Variants in AOAH observed in about 807,000 individuals in gnomAD.
AOAH encodes acyloxyacyl hydrolase (neutrophil).
Under a neutral mutation model 92.2 loss-of-function variants are expected in AOAH, and 64 were observed. The observed-to-expected ratio is 0.69, with a 90% CI of 0.57 to 0.86. The LOEUF is 0.86. Among genes scored for constraint, AOAH ranks in the 40% least tolerant of loss-of-function variants. AOAH has a pLI of 0.00. For synonymous variants in AOAH, 263 were observed against 254.5 expected (o/e 1.03, Z -0.32); for missense variants, 656 against 694.6 (o/e 0.94, Z 0.62).
chr7:36,651,222 T>C (rs1399527186), intron 4 of AOAH, among the ~76,000 whole-genome samples: 1 of 152,250 alleles, frequency 6.6e-6, no homozygotes, highest in Non-Finnish European at 1.5e-5. Context: ...TCCATTTACA[T>C]TGCTATCGCA....
chr7:36,634,413 G>C (rs547609888), intron 5 of AOAH, among the ~76,000 whole-genome samples: 2 of 152,062 alleles, frequency 1.3e-5, no homozygotes, highest in Admixed American at 6.5e-5. Context: ...TCTAATTACC[G>C]GTGCATGCAG....
chr7:36,687,244 G>A (rs751428172), intron 1 of AOAH, among the ~76,000 whole-genome samples: 3 of 152,120 alleles, frequency 2.0e-5, no homozygotes, highest in Non-Finnish European at 4.4e-5. Context: ...CAGGTAATAT[G>A]TTTCCCATAG....
At chr7:36,672,939 A>G (rs1796017278) in intron 3 of AOAH, among the ~76,000 whole-genome samples, 1 of 152,170 alleles carries the variant, frequency 6.6e-6, no homozygotes, top group Non-Finnish European at 1.5e-5. Context: ...TATACATAAT[A>G]AAACTATAGA....
chr7:36,580,107 C>A lies in AOAH; in HGVS notation c.939-3451G>T, dbSNP rs138022854. ...GTCTGATTTTACTCATAGTGTTAGA[C>A]CTTTGATAAACCCTTTCAACTTGGA... On this transcript the variant is annotated intron_variant, in intron 12 of 20. Coordinates refer to ENST00000617537, the MANE Select transcript of AOAH (RefSeq NM_001637.4). Among the ~76,000 whole-genome samples the A allele has an allele frequency of 4.3e-4, 65 of 152,218 alleles. No individual in the cohort carries two copies. In the East Asian group the frequency reaches 5.0e-3, roughly 12 times the overall value.
chr7:36,633,724 C>A (rs769768047), intron 5 of AOAH, among the ~76,000 whole-genome samples: 1 of 152,144 alleles, frequency 6.6e-6, no homozygotes, highest in Non-Finnish European at 1.5e-5. Context: ...AGAGGAATCA[C>A]ATTTGCGTTT....
intron 20 of AOAH, among the ~76,000 whole-genome samples, chr7:36,517,597 C>CTTTTTTT (rs70977159): frequency 2.2e-5 from 2 of 89,590 alleles, no homozygotes; most frequent in Non-Finnish European, 4.0e-5. Context: ...GACTTTATAT[C>CTTTTTTT]TTTTTTTTTT....
Position 36,646,265 on chromosome 7 carries a change from T to C in AOAH, c.391-8355A>G, listed in dbSNP as rs555621335. Reference sequence around the variant, plus strand: ...GAGAAATCCAAGACCCGGTGCTGAGTGAATTTTTCTAGGCTTCACAACTAA... The same window carrying C: ...GAGAAATCCAAGACCCGGTGCTGAGCGAATTTTTCTAGGCTTCACAACTAA... On this transcript the variant is annotated intron_variant, in intron 4 of 20. Transcript: ENST00000617537. 1.1e-3 allele frequency among the ~76,000 whole-genome samples: 168 copies of C among 152,298 alleles called. 1 individual carries two copies. Among genetic ancestry groups the C allele is most frequent in the Non-Finnish European group, 1.4e-3 (97 of 68,026 alleles).
rs538711927 is a variant in AOAH, at chr7:36,683,850, C to T, written c.223+2849G>A. Among the ~76,000 whole-genome samples, 27 of 152,130 alleles carry T rather than the reference C, an allele frequency of 1.8e-4. No individual in the cohort carries two copies. In the South Asian group the frequency reaches 2.5e-3, roughly 14 times the overall value. Reference sequence around the variant, plus strand: ...GAAAGAATGGGCAACTCAAATTAGCCGGGTGCGGTGGTGGGCTCCAGTAAT... The same window carrying T: ...GAAAGAATGGGCAACTCAAATTAGCTGGGTGCGGTGGTGGGCTCCAGTAAT... On this transcript the variant is annotated intron_variant, in intron 2 of 20. Transcript: ENST00000617537.
At chr7:36,602,378 C>A (rs907600530) in intron 11 of AOAH, among the ~76,000 whole-genome samples, 1 of 151,808 alleles carries the variant, frequency 6.6e-6, no homozygotes, top group Admixed American at 6.6e-5. Flanking sequence ...TCTCTCACTG[C>A]CGCATACCAA....
chr7:36,589,733 T>G (rs905546820), intron 12 of AOAH, among the ~76,000 whole-genome samples: 1 of 152,186 alleles, frequency 6.6e-6, no homozygotes, highest in Non-Finnish European at 1.5e-5. Context: ...TTCCTTTCAC[T>G]CTATCATGCC....
At position 36,656,891 on chromosome 7, in the gene AOAH, G is replaced by T. The variant is rs975041982; in HGVS notation, c.390+2275C>A. 2.7e-5 allele frequency among the ~76,000 whole-genome samples: 4 copies of T among 147,620 alleles called. No homozygotes were observed. In the East Asian group the frequency reaches 7.9e-4, roughly 29 times the overall value. ...ACAAAGAGGTTTGGTGGGGGGTGTT[G>T]GCAGTACCAAGAAGCTTTTTTGGGG... On this transcript the variant is annotated intron_variant, in intron 4 of 20. Transcript: ENST00000617537.
At chr7:36,517,597 CTTT>C (rs70977159) in intron 20 of AOAH, among the ~76,000 whole-genome samples, 3,981 of 89,616 alleles carry the variant, frequency 0.044, 74 homozygotes, top group East Asian at 0.14. Context: ...GACTTTATAT[CTTT>C]TTTTTTTTTT....
At chr7:36,668,132 T>G (rs1795661906) in intron 3 of AOAH, among the ~76,000 whole-genome samples, 1 of 152,216 alleles carries the variant, frequency 6.6e-6, no homozygotes, top group Non-Finnish European at 1.5e-5. Flanking sequence ...ATTTTTGTTT[T>G]CTACTCTTTT....
chr7:36,604,643 A>C (rs977433734), intron 11 of AOAH, among the ~76,000 whole-genome samples: 6 of 152,180 alleles, frequency 3.9e-5, no homozygotes, highest in African/African-American at 1.4e-4. Flanking sequence ...TCTTCCCTCC[A>C]GGTGACAGGT....
intron 11 of AOAH, among the ~76,000 whole-genome samples, chr7:36,613,867 C>T (rs569186005): frequency 6.6e-6 from 1 of 152,338 alleles, no homozygotes; most frequent in South Asian, 2.1e-4. Context: ...AAACAGCGCT[C>T]TTCATTTGTA....
At chr7:36,596,694 G>T (rs1282780349) in intron 11 of AOAH, among the ~76,000 whole-genome samples, 1 of 152,138 alleles carries the variant, frequency 6.6e-6, no homozygotes, top group African/African-American at 2.4e-5. Context: ...TGTTTTCACA[G>T]ACCCCCAAGA....
In AOAH at chr7:36,621,771, C is replaced by T; in HGVS notation, c.592G>A (p.Gly198Ser). ...DKYSVFPTLR[G>S]YHWRGRDCND... is the part of the protein sequence containing the mutation. ...CAGTCTCTCCCCCGCCAGTGATAGC[C>T]CCGCAGTGTCTGAAATTGAAGAGCA... The change falls in exon 8 of 21, where the codon GGC becomes AGC. Residue 198 changes from glycine to serine, a missense_variant. Physicochemically the swap from Gly to Ser is moderately conservative, Grantham distance 56. Transcript: ENST00000617537. The T allele has an allele frequency of 2.5e-6, 4 of 1,614,104 alleles. No homozygotes were observed. The highest frequency in any genetic ancestry group is 3.4e-6 in the Non-Finnish European group (4 of 1,180,012).
At chr7:36,644,770 G>C (rs187847084) in intron 4 of AOAH, among the ~76,000 whole-genome samples, 1 of 152,280 alleles carries the variant, frequency 6.6e-6, no homozygotes, top group Non-Finnish European at 1.5e-5. Context: ...AGCATCAGTA[G>C]ATTTGAAAAG....
chr7:36,709,343 A>G (rs76907242), intron 1 of AOAH, among the ~76,000 whole-genome samples: 2,314 of 152,258 alleles, frequency 0.015, 53 homozygotes, highest in African/African-American at 0.053. Flanking sequence ...TGTTCTCACT[A>G]ACCAAGCTGA....
Sources: gnomAD v4.1 joint callset for allele counts (sites outside exome capture counted in the v4.1 genomes callset) on GRCh38, gnomAD v4.1.1 for gene constraint, MANE v1.5 for transcripts, NCBI Gene and HGNC (gene_info 2026-07-23, HGNC 2026-07-21) for gene names.